The following DLG1 variants were observed in gnomAD, a reference collection of about 807,000 sequenced individuals.
DLG1 encodes discs large MAGUK scaffold protein 1.
Under a neutral mutation model 123.4 loss-of-function variants are expected in DLG1, and 42 were observed. The observed-to-expected ratio is 0.34, with a 90% CI of 0.27 to 0.44. The LOEUF (loss-of-function observed/expected upper bound fraction) is 0.44. Among genes scored for constraint, DLG1 ranks in the 20% least tolerant of loss-of-function variants. The pLI, the probability that DLG1 is intolerant of heterozygous loss-of-function variation, is 1.00. For synonymous variants in DLG1, 317 were observed against 356.2 expected, an observed-to-expected ratio of 0.89 and a Z score of 1.24; for missense variants, 942 against 1,082.6, an observed-to-expected ratio of 0.87 and a Z score of 1.82.
intron 1 of DLG1, 130 bp downstream of exon 1, chr3:197,298,406 G>A (rs988056448): frequency 2.5e-6 from 1 of 398,528 alleles, no homozygotes; most frequent in Non-Finnish European, 4.4e-6. Flanking sequence ...CCCTGGAGGA[G>A]CCCGCCTTTA....
In DLG1 at chr3:197,245,905, G is replaced by GC. The variant is rs148354738; in HGVS notation, c.318+36773_318+36774insG. 2.5e-4 allele frequency among the ~76,000 whole-genome samples: 36 copies of GC among 142,014 alleles called. 1 individual carries two copies. Among genetic ancestry groups the GC allele is most frequent in the African/African-American group, 8.0e-4 (31 of 38,814 alleles). 93.2% of individuals were successfully genotyped at this position (142,014 alleles called of 152,430 possible). A position where few individuals can be genotyped will look rare whatever the true frequency, so the allele number is the denominator to read the frequency against. On this transcript the variant is annotated intron_variant, in intron 4 of 24. Coordinates refer to ENST00000667157, the MANE Select transcript of DLG1 (RefSeq NM_001366207.1). ...GGACAATACTTTTTTTTTTTTGGGG[G>GC]GGGGGGAGGTGGCAAATGAAGGTTA...
chr3:197,153,730 C>T (rs1795051512), intron 5 of DLG1, among the ~76,000 whole-genome samples: 1 of 152,114 alleles, frequency 6.6e-6, no homozygotes, highest in Non-Finnish European at 1.5e-5. Flanking sequence ...CATTAAAAAC[C>T]AACCACATGT....
At chr3:197,072,131 C>T (rs1744320522) in intron 18 of DLG1, among the ~76,000 whole-genome samples, 1 of 152,160 alleles carries the variant, frequency 6.6e-6, no homozygotes, top group Non-Finnish European at 1.5e-5. Context: ...TGTAATATTA[C>T]ATAGTATGGA....
chr3:197,266,297 T>C (rs1433740045), intron 4 of DLG1, among the ~76,000 whole-genome samples: 1 of 151,910 alleles, frequency 6.6e-6, no homozygotes, highest in African/African-American at 2.4e-5. Context: ...CATAATAGAA[T>C]CAGTAGACAA....
intron 4 of DLG1, among the ~76,000 whole-genome samples, chr3:197,258,380 A>G (rs1221062305): frequency 1.4e-5 from 2 of 141,234 alleles, no homozygotes; most frequent in African/African-American, 2.6e-5. Flanking sequence ...TGTCATTTGC[A>G]AACGTTTTAA....
intron 5 of DLG1, among the ~76,000 whole-genome samples, chr3:197,167,375 T>C (rs990323669): frequency 1.3e-5 from 2 of 152,208 alleles, no homozygotes; most frequent in African/African-American, 4.8e-5. Context: ...GATATACTCA[T>C]ACAAAAGTGT....
intron 5 of DLG1, among the ~76,000 whole-genome samples, chr3:197,159,969 G>A (rs1798139122): frequency 6.6e-6 from 1 of 152,068 alleles, no homozygotes; most frequent in African/African-American, 2.4e-5. Flanking sequence ...AGTACCTGAC[G>A]TGCATTAAGC....
chr3:197,198,846 T>C (rs1468415412), intron 4 of DLG1, among the ~76,000 whole-genome samples: 1 of 152,192 alleles, frequency 6.6e-6, no homozygotes, highest in Non-Finnish European at 1.5e-5. Context: ...GTACATTCCC[T>C]CTGGAAAACA....
intron 5 of DLG1, among the ~76,000 whole-genome samples, chr3:197,183,226 C>G (rs1713544025): frequency 6.6e-6 from 1 of 152,084 alleles, no homozygotes; most frequent in African/African-American, 2.4e-5. Context: ...CTAAACAAAT[C>G]AGCATTTTCT....
chr3:197,066,665 C>A, intron 20 of DLG1, 39 bp downstream of exon 20: 1 of 1,488,566 alleles, frequency 6.7e-7, no homozygotes, highest in East Asian at 2.3e-5. Context: ...AAAGTATATT[C>A]TTCTAGAAGG....
In DLG1 at chr3:197,141,504, T is replaced by C. The variant is rs145363886; in HGVS notation, c.588+1214A>G. On this transcript the variant is annotated intron_variant, in intron 7 of 24. Transcript: ENST00000667157. ...AGCAAGTGATCCGAATTTAAGTAGA[T>C]GGCAATAAAGATATACATGTAAGAG... Among the ~76,000 whole-genome samples, 1,478 of 152,312 alleles carry C rather than the reference T, an allele frequency of 9.7e-3. 17 individuals are homozygous for C. Among genetic ancestry groups the C allele is most frequent in the African/African-American group, 0.023 (958 of 41,566 alleles).
At chr3:197,090,605 A>G (rs560577854) in intron 15 of DLG1, among the ~76,000 whole-genome samples, 15 of 152,208 alleles carry the variant, frequency 9.9e-5, no homozygotes, top group Middle Eastern at 3.4e-3. Flanking sequence ...GTTAGACATG[A>G]TATCATCAAG....
At chr3:197,128,534 C>G (rs1331318921) in intron 11 of DLG1, among the ~76,000 whole-genome samples, 1 of 152,180 alleles carries the variant, frequency 6.6e-6, no homozygotes, top group Non-Finnish European at 1.5e-5. Context: ...ATATTGTGAC[C>G]TCCTCCCATG....
At chr3:197,091,253 CT>C (rs1757578672) in intron 14 of DLG1, among the ~76,000 whole-genome samples, 1 of 151,940 alleles carries the variant, frequency 6.6e-6, no homozygotes, top group African/African-American at 2.4e-5. Flanking sequence ...TTTCTACATG[CT>C]CTTTTAAAGT....
intron 15 of DLG1, among the ~76,000 whole-genome samples, chr3:197,088,812 A>C (rs3856758): frequency 6.6e-6 from 1 of 152,234 alleles, no homozygotes; most frequent in African/African-American, 2.4e-5. Context: ...AAAATGCAAG[A>C]CAATTATTAA....
At position 197,221,090 on chromosome 3, in the gene DLG1, G is replaced by A. The variant is rs992136614; in HGVS notation, c.319-26501C>T. Among the ~76,000 whole-genome samples the A allele has an allele frequency of 3.3e-5, 5 of 152,168 alleles. No individual in the cohort carries two copies. In the East Asian group the frequency reaches 9.6e-4, roughly 29 times the overall value. On this transcript the variant is annotated intron_variant, in intron 4 of 24. Coordinates refer to ENST00000667157, the MANE Select transcript of DLG1 (RefSeq NM_001366207.1). ...ATTAGTGCTCAGTGAACTGTTTCAAGGAAACCTTACATACCACATACCATA... is the reference window on the plus strand; with the variant it reads ...ATTAGTGCTCAGTGAACTGTTTCAAAGAAACCTTACATACCACATACCATA...
intron 4 of DLG1, among the ~76,000 whole-genome samples, chr3:197,218,154 G>T (rs923089632): frequency 3.3e-5 from 5 of 152,168 alleles, no homozygotes; most frequent in Non-Finnish European, 5.9e-5. Flanking sequence ...TTAAGTAACT[G>T]TCAGCTAAGA....
At chr3:197,189,632 G>T (rs1040884256) in intron 5 of DLG1, among the ~76,000 whole-genome samples, 2 of 152,176 alleles carry the variant, frequency 1.3e-5, no homozygotes, top group African/African-American at 4.8e-5. Flanking sequence ...GACTGATCCT[G>T]TTAATACCTA....
At chr3:197,256,222 A>G (rs1201067911) in intron 4 of DLG1, among the ~76,000 whole-genome samples, 1 of 152,244 alleles carries the variant, frequency 6.6e-6, no homozygotes, top group Non-Finnish European at 1.5e-5. Flanking sequence ...GTAAAAGTCT[A>G]GAGAGTAAGT....
Sources: allele counts gnomAD v4.1 joint callset (sites outside exome capture counted in the v4.1 genomes callset), GRCh38; gene constraint gnomAD v4.1.1; transcripts MANE v1.5; gene names NCBI Gene and HGNC (gene_info 2026-07-23, HGNC 2026-07-21).